The following MAP2K5 variants were observed in gnomAD, a reference collection of about 807,000 sequenced individuals.
MAP2K5 encodes the protein dual specificity mitogen-activated protein kinase kinase 5.
In MAP2K5, 49 loss-of-function variants were observed where a neutral mutation model predicts 83.1. The ratio of observed to expected loss-of-function variants is 0.59; its 90% CI spans 0.47 to 0.75. The LOEUF (loss-of-function observed/expected upper bound fraction) is 0.75, where lower values mean the gene tolerates loss of function less well. Among genes scored for constraint, MAP2K5 ranks in the 30% least tolerant of loss-of-function variants. The pLI is 0.00. For missense variants in MAP2K5, 457 were observed against 557.5 expected, an observed-to-expected ratio of 0.82 and a Z score of 1.82; for synonymous variants, 202 against 191.8, an observed-to-expected ratio of 1.05 and a Z score of -0.44.
rs1373570919 is a variant in MAP2K5, at chr15:67,717,587, A to T, written c.1045-10329A>T. On this transcript the variant is annotated intron_variant, in intron 16 of 21. Coordinates refer to ENST00000178640, the MANE Select transcript of MAP2K5 (RefSeq NM_145160.3). This position sits in a 1 kb window ranked among gnomAD's most constrained non-coding sequence, Gnocchi z 4.1. ...ATAACCTACCCAAAATTAGTGGCTT[A>T]AAATAACCATTTATTTACTCAGGAT... 6.6e-6 allele frequency among the ~76,000 whole-genome samples: 1 copy of T among 152,244 alleles called. No homozygotes were observed. The highest frequency in any genetic ancestry group is 1.5e-5 in the Non-Finnish European group (1 of 68,044).
At chr15:67,767,029 C>G (rs545263282) in intron 19 of MAP2K5, among the ~76,000 whole-genome samples, 1 of 152,274 alleles carries the variant, frequency 6.6e-6, no homozygotes, top group African/African-American at 2.4e-5. Context: ...CCAGGGACCA[C>G]TGAGATGAGA....
intron 16 of MAP2K5, among the ~76,000 whole-genome samples, chr15:67,714,094 G>A (rs192570290): frequency 5.5e-4 from 83 of 152,198 alleles, no homozygotes; most frequent in African/African-American, 2.0e-3. Context: ...GGATACATTG[G>A]CAAACAAAAT....
Position 67,646,474 on chromosome 15 carries a change from G to T in MAP2K5, c.736+5G>T. On this transcript the variant is annotated splice_donor_5th_base_variant and intron_variant, in intron 11 of 21. Coordinates refer to ENST00000178640, the MANE Select transcript of MAP2K5 (RefSeq NM_145160.3). ...TATGTACAGAATTCATGGATGGTGA[G>T]TTTTCCCTTTTATAATACTTTTAAA... 1 of 1,540,502 alleles carries T rather than the reference G, an allele frequency of 6.5e-7. No individual in the cohort carries two copies. Among genetic ancestry groups the T allele is most frequent in the South Asian group, 1.2e-5 (1 of 85,170 alleles).
intron 11 of MAP2K5, among the ~76,000 whole-genome samples, chr15:67,648,096 C>T (rs1168949100): frequency 2.6e-5 from 4 of 152,086 alleles, no homozygotes; most frequent in African/African-American, 9.7e-5. Context: ...CCATAAAATT[C>T]ACCCTTTAAA....
chr15:67,619,313 A>G (rs1295962210), intron 8 of MAP2K5, among the ~76,000 whole-genome samples: 1 of 151,760 alleles, frequency 6.6e-6, no homozygotes, highest in Non-Finnish European at 1.5e-5. Flanking sequence ...ACTTACCCCC[A>G]CCTCACATAT....
rs1384530697 is a variant in MAP2K5 at position 67,748,509 on chromosome 15, T to C, written c.1102-60T>C. On this transcript the variant is annotated intron_variant, in intron 18 of 21. Coordinates refer to ENST00000178640, the MANE Select transcript of MAP2K5 (RefSeq NM_145160.3). The surrounding 1 kb of genome is among the most constrained non-coding windows in gnomAD (Gnocchi z 4.0). ...TGCATTAATGATTTTTTCTTTCCAC[T>C]CCACTGTAAAGATATTGCATAGAGG... The C allele has an allele frequency of 1.3e-5, 19 of 1,454,206 alleles. No homozygotes were observed. The highest frequency in any genetic ancestry group is 1.6e-5 in the Non-Finnish European group (17 of 1,045,564). 90.1% of individuals were successfully genotyped at this position (1,454,206 alleles called of 1,614,324 possible). A position where few individuals can be genotyped will look rare whatever the true frequency, so the allele number is the denominator to read the frequency against.
At chr15:67,582,703 C>T (rs2085206422) in intron 4 of MAP2K5, among the ~76,000 whole-genome samples, 1 of 151,960 alleles carries the variant, frequency 6.6e-6, no homozygotes, top group African/African-American at 2.4e-5. Flanking sequence ...CTCCTGTTGT[C>T]CCAGCTACTT....
At chr15:67,763,855 A>T (rs1418059627) in intron 19 of MAP2K5, among the ~76,000 whole-genome samples, 1 of 152,226 alleles carries the variant, frequency 6.6e-6, no homozygotes, top group Admixed American at 6.5e-5. Flanking sequence ...AGCACTGAGG[A>T]TAGAATGCAG....
At chr15:67,765,365 T>TC (rs1236917914) in intron 19 of MAP2K5, among the ~76,000 whole-genome samples, 1 of 151,724 alleles carries the variant, frequency 6.6e-6, no homozygotes, top group Non-Finnish European at 1.5e-5. Context: ...CTAATAAAAT[T>TC]TTTTTAAAAA....
chr15:67,742,101 A>T (rs1479783726), intron 17 of MAP2K5, among the ~76,000 whole-genome samples: 1 of 152,080 alleles, frequency 6.6e-6, no homozygotes, highest in Non-Finnish European at 1.5e-5. Context: ...TTACCATGTT[A>T]GCCAGGATGG....
In MAP2K5 at chr15:67,572,647, T is replaced by G. The variant is rs1285087566; in HGVS notation, c.253-8107T>G. Reference sequence around the variant, plus strand: ...AGATGTGCTCTGCTACAAGGGTTTGTGATAAAGGATTCATTTTCTTAATTA... The same window carrying G: ...AGATGTGCTCTGCTACAAGGGTTTGGGATAAAGGATTCATTTTCTTAATTA... On this transcript the variant is annotated intron_variant, in intron 3 of 21. Coordinates refer to ENST00000178640, the MANE Select transcript of MAP2K5 (RefSeq NM_145160.3). The surrounding 1 kb of genome is among the most constrained non-coding windows in gnomAD (Gnocchi z 4.2). 6.6e-6 allele frequency among the ~76,000 whole-genome samples: 1 copy of G among 152,130 alleles called. No individual in the cohort carries two copies. Among genetic ancestry groups the G allele is most frequent in the East Asian group, 1.9e-4 (1 of 5,182 alleles).
intron 11 of MAP2K5, among the ~76,000 whole-genome samples, 156 bp downstream of exon 11, chr15:67,646,625 T>A (rs773565020): frequency 1.3e-5 from 2 of 152,146 alleles, no homozygotes; most frequent in Non-Finnish European, 2.9e-5. Context: ...GTGTTAGGGG[T>A]TCCTGGGGTT....
chr15:67,711,481 T>A (rs2088690532), intron 16 of MAP2K5, among the ~76,000 whole-genome samples: 1 of 152,230 alleles, frequency 6.6e-6, no homozygotes, highest in African/African-American at 2.4e-5. Context: ...TCAGAGCTTT[T>A]GGACAAAGTT....
intron 9 of MAP2K5, among the ~76,000 whole-genome samples, chr15:67,645,750 G>A (rs369954085): frequency 6.7e-6 from 1 of 149,348 alleles, no homozygotes; most frequent in East Asian, 2.0e-4. Flanking sequence ...ATGGGTTCTC[G>A]CTATGGTGCT....
intron 7 of MAP2K5, among the ~76,000 whole-genome samples, chr15:67,597,118 G>A (rs1212085683): frequency 1.3e-5 from 2 of 149,890 alleles, no homozygotes; most frequent in African/African-American, 4.9e-5. Context: ...GCAGTGAGCC[G>A]AGATCACGTC....
chr15:67,593,704 C>G (rs187820364), intron 7 of MAP2K5, among the ~76,000 whole-genome samples: 1 of 152,366 alleles, frequency 6.6e-6, no homozygotes, highest in South Asian at 2.1e-4. Flanking sequence ...CCATTGCGAT[C>G]AAGCCTGCCT....
chr15:67,768,005 A>G lies in MAP2K5; in HGVS notation c.1135-1597A>G, dbSNP rs1393743601. Among the ~76,000 whole-genome samples, 1 of 152,144 alleles carries G rather than the reference A, an allele frequency of 6.6e-6. No homozygotes were observed. The highest frequency in any genetic ancestry group is 1.9e-4 in the East Asian group (1 of 5,198). ...ATTTAAAGAGGACAGATATGCAAAA[A>G]CCAAGAAACATTTTGTTCATGTTTC... On this transcript the variant is annotated intron_variant, in intron 19 of 21. Transcript: ENST00000178640. The surrounding 1 kb of genome is among the most constrained non-coding windows in gnomAD (Gnocchi z 4.0).
chr15:67,791,727 A>T (rs961861221), intron 21 of MAP2K5, among the ~76,000 whole-genome samples: 1 of 152,212 alleles, frequency 6.6e-6, no homozygotes, highest in African/African-American at 2.4e-5. Context: ...CACTGAAATA[A>T]GATAATGAGC....
At chr15:67,693,655 A>G in intron 15 of MAP2K5, 87 bp downstream of exon 15, 1 of 1,001,258 alleles carries the variant, frequency 1.0e-6, no homozygotes, top group Non-Finnish European at 1.6e-6. Flanking sequence ...AATTAATTCC[A>G]CAGCTTTAGC....
Sources: gnomAD v4.1 joint callset for allele counts (sites outside exome capture counted in the v4.1 genomes callset) on GRCh38, gnomAD v4.1.1 for gene constraint, Gnocchi (gnomAD v3.1) non-coding constraint, MANE v1.5 for transcripts, NCBI Gene and HGNC (gene_info 2026-07-23, HGNC 2026-07-21) for gene names.